AMOTL2: variants seen among roughly 807,000 people sequenced by gnomAD.
The protein encoded by AMOTL2 is angiomotin like 2.
Under a neutral mutation model 78.4 loss-of-function variants are expected in AMOTL2, and 33 were observed. The ratio of observed to expected loss-of-function variants is 0.42; its 90% CI spans 0.32 to 0.56. The LOEUF (loss-of-function observed/expected upper bound fraction) is 0.56. Ranked by LOEUF, AMOTL2 falls within the 20% of genes least tolerant of loss-of-function variation. The pLI is 0.12. For synonymous variants in AMOTL2, 422 were observed against 428.8 expected (o/e 0.98, Z 0.20); for missense variants, 983 against 1,030.1 (o/e 0.95, Z 0.63).
rs931693505 is a variant in AMOTL2 at position 134,367,639 on chromosome 3, T to G, written c.899A>C (p.Gln300Pro). Residue 300 changes from glutamine to proline, a missense_variant, in exon 3 of 10, where the codon CAG (glutamine) becomes CCG (proline). By Grantham distance (76) the Gln-to-Pro change is moderately conservative. Coordinates refer to ENST00000249883, the MANE Select transcript of AMOTL2 (RefSeq NM_016201.4). The part of the protein sequence containing the change: ...PPAVEGPVSA[Q>P]ASSATSGSAH... ...ACTGCCCGAGGTGGCTGAGGAGGCC[T>G]GGGCACTCACTGGCCCCTCCACAGC... is the stretch of plus-strand genomic sequence containing the variant. 1.2e-6 allele frequency: 2 copies of G among 1,613,386 alleles called. No individual in the cohort carries two copies. Among genetic ancestry groups the G allele is most frequent in the Non-Finnish European group, 1.7e-6 (2 of 1,180,042 alleles).
chr3:134,367,406 C>T, intron 3 of AMOTL2, 91 bp downstream of exon 3: 2 of 1,458,408 alleles, frequency 1.4e-6, no homozygotes, highest in South Asian at 1.2e-5. Context: ...AGTTTTCAGG[C>T]TCCTCTGCCT....
At chr3:134,360,460 T>C in intron 6 of AMOTL2, 47 bp from the exon 7 acceptor site, 1 of 1,543,828 alleles carries the variant, frequency 6.5e-7, no homozygotes, top group Non-Finnish European at 8.8e-7. Flanking sequence ...CAGGTTGGGG[T>C]GTGGCAGCCA....
At chr3:134,364,272 G>T (rs191206850) in intron 5 of AMOTL2, among the ~76,000 whole-genome samples, 1 of 151,968 alleles carries the variant, frequency 6.6e-6, no homozygotes, top group East Asian at 2.0e-4. Context: ...CAGGTCACCC[G>T]CGGCTGCAAG....
At chr3:134,361,330 A>T (rs2107738027) in intron 6 of AMOTL2, among the ~76,000 whole-genome samples, 182 bp downstream of exon 6, 1 of 152,302 alleles carries the variant, frequency 6.6e-6, no homozygotes, top group East Asian at 1.9e-4. Flanking sequence ...AGTGGAAGGG[A>T]GCACGCAGCA....
intron 4 of AMOTL2, 101 bp from the exon 5 acceptor site, chr3:134,366,010 G>C (rs1416053750): frequency 1.5e-6 from 2 of 1,291,332 alleles, no homozygotes; most frequent in African/African-American, 2.9e-5. Context: ...CTCCATATTG[G>C]GGATGGGTTC....
chr3:134,359,597 C>T, intron 7 of AMOTL2, 94 bp from the exon 8 acceptor site: 2 of 1,001,734 alleles, frequency 2.0e-6, no homozygotes, highest in Non-Finnish European at 3.0e-6. Flanking sequence ...AAAAGCCCCC[C>T]CCAACTCCCC....
intron 5 of AMOTL2, among the ~76,000 whole-genome samples, chr3:134,362,362 TA>T (rs2017410523): frequency 6.6e-6 from 1 of 151,944 alleles, no homozygotes; most frequent in Non-Finnish European, 1.5e-5. Context: ...ATCCCCAACT[TA>T]TAGGGGAGAA....
intron 6 of AMOTL2, 119 bp downstream of exon 6, chr3:134,361,393 T>C: frequency 8.1e-7 from 1 of 1,227,188 alleles, no homozygotes; most frequent in Non-Finnish European, 1.1e-6. Context: ...GCCTGCAGCC[T>C]AGATCTAAGC....
At position 134,371,229 on chromosome 3, in the gene AMOTL2, C is replaced by T. The variant is rs747936527; in HGVS notation, c.205G>A (p.Ala69Thr). 3.1e-6 allele frequency: 5 copies of T among 1,613,278 alleles called. No individual in the cohort carries two copies. The African/African-American group carries it at 5.3e-5, about 17-fold the overall frequency. Residue 69 changes from alanine (A) to threonine (T), a missense_variant, in exon 2 of 10, where the codon GCC becomes ACC. Coordinates refer to ENST00000249883, the MANE Select transcript of AMOTL2 (RefSeq NM_016201.4). ...APEDSQVLQQ[A>T]TRQEPQGQEH... ...TGGCCCTGGGGCTCCTGCCTGGTGG[C>T]CTGCTGCAGCACCTGACTGTCCTCT...
chr3:134,373,801 T>C (rs1055977607), intron 1 of AMOTL2: 60 of 985,308 alleles, frequency 6.1e-5, no homozygotes, highest in Non-Finnish European at 7.1e-5. Flanking sequence ...CCCTCTTTGT[T>C]TTCCAAATAC....
At position 134,371,275 on chromosome 3, in the gene AMOTL2, G is replaced by A. The variant is rs770787304; in HGVS notation, c.159C>T (p.Ala53=). The A allele has an allele frequency of 6.8e-6, 11 of 1,612,574 alleles. No individual in the cohort carries two copies. In the Admixed American group the frequency reaches 8.3e-5, roughly 12 times the overall value. The change falls in exon 2 of 10, where the codon GCC becomes GCT. Residue 53 remains alanine (A), a synonymous_variant. Transcript: ENST00000249883. ...CCTCTGGGGCCAGGATCTCCAGGGA[G>A]GCCTGGGGGCTCCCTGTACCCCCAG... is the stretch of plus-strand genomic sequence containing the variant. ...AGTGGTGSPQ[A]SLEILAPEDS...
At position 134,371,309 on chromosome 3, in the gene AMOTL2, C is replaced by G; in HGVS notation, c.125G>C (p.Gly42Ala). The change falls in exon 2 of 10, where the codon GGG (glycine) becomes GCG (alanine). Residue 42 changes from glycine to alanine, a missense_variant. Gly to Ala is a moderately conservative substitution (Grantham distance 60). Coordinates refer to ENST00000249883, the MANE Select transcript of AMOTL2 (RefSeq NM_016201.4). ...GCTCCCTGTACCCCCAGTTCCAGCCCCACCCCTCAGGGCCTGCTGCTGGAT... is the reference window on the plus strand; with the variant it reads ...GCTCCCTGTACCCCCAGTTCCAGCCGCACCCCTCAGGGCCTGCTGCTGGAT... ...LAIQQQALRG[G>A]AGTGGTGSPQ... 2 of 1,612,340 alleles carry G rather than the reference C, an allele frequency of 1.2e-6. No individual in the cohort carries two copies. The highest frequency in any genetic ancestry group is 1.7e-6 in the Non-Finnish European group (2 of 1,180,004).
rs137862766 is a variant in AMOTL2 at position 134,358,612 on chromosome 3, T to C, written c.2212A>G (p.Thr738Ala). The C allele has an allele frequency of 1.9e-4, 309 of 1,613,516 alleles. No homozygotes were observed. The African/African-American group carries it at 3.5e-3, about 18-fold the overall frequency. The change falls in exon 9 of 10, where the codon ACC becomes GCC. Residue 738 changes from threonine to alanine, a missense_variant. By Grantham distance (58) the Thr-to-Ala change is moderately conservative (BLOSUM62 0). Coordinates refer to ENST00000249883, the MANE Select transcript of AMOTL2 (RefSeq NM_016201.4). Reference protein sequence around the residue: ...STQTEGPPDSTSTCLPPEPDS... With the variant: ...STQTEGPPDSASTCLPPEPDS... ...GGCTCCGGTGGCAGGCAGGTGGAGGTGCTGTCTGGGGGGCCCTCAGTCTGG... is the reference window on the plus strand; with the variant it reads ...GGCTCCGGTGGCAGGCAGGTGGAGGCGCTGTCTGGGGGGCCCTCAGTCTGG...
Position 134,361,593 on chromosome 3 carries a change from T to C in AMOTL2, c.1494A>G (p.Ala498=). The C allele has an allele frequency of 6.2e-7, 1 of 1,613,118 alleles. No individual in the cohort carries two copies. The highest frequency in any genetic ancestry group is 2.2e-5 in the East Asian group (1 of 44,888). ...RLQQALGQLQ[A]ACEKREQLEL... is the part of the protein sequence containing the mutation. ...CCAGCTGCTCCCGCTTCTCACAGGC[T>C]GCCTGCAGCTGCCCGAGCGCCTGCT... is the stretch of plus-strand genomic sequence containing the variant. The change falls in exon 6 of 10, where the codon GCA becomes GCG. Residue 498 remains alanine (A), a synonymous_variant. Transcript: ENST00000249883.
chr3:134,360,458 G>T, intron 6 of AMOTL2, 45 bp from the exon 7 acceptor site: 1 of 1,551,330 alleles, frequency 6.4e-7, no homozygotes, highest in Admixed American at 1.7e-5. Flanking sequence ...TGCAGGTTGG[G>T]GTGTGGCAGC....
At position 134,371,158 on chromosome 3, in the gene AMOTL2, G is replaced by A. The variant is rs1290638728; in HGVS notation, c.276C>T (p.Tyr92=). The A allele has an allele frequency of 5.6e-6, 9 of 1,613,994 alleles. No individual in the cohort carries two copies. The highest frequency in any genetic ancestry group is 7.6e-6 in the Non-Finnish European group (9 of 1,179,976). ...CCTTGCTGGGCTGTGGGCATAGCCG[G>A]TAGAGGGTGTTCTCTGCCAGGTGGT... is the stretch of plus-strand genomic sequence containing the variant. ...GENHLAENTL[Y]RLCPQPSKGE... Residue 92 remains tyrosine, a synonymous_variant, in exon 2 of 10, where the codon TAC becomes TAT. Transcript: ENST00000249883.
chr3:134,360,606 C>G (rs573624500), intron 6 of AMOTL2, among the ~76,000 whole-genome samples, 193 bp from the exon 7 acceptor site: 60 of 152,274 alleles, frequency 3.9e-4, no homozygotes, highest in African/African-American at 1.4e-3. Flanking sequence ...AATCCTAGGG[C>G]AAGGGCATAG....
intron 1 of AMOTL2, among the ~76,000 whole-genome samples, chr3:134,372,190 A>G (rs2017894431): frequency 6.6e-6 from 1 of 152,098 alleles, no homozygotes; most frequent in African/African-American, 2.4e-5. Context: ...ACCCCTGGCC[A>G]CTTTTCCCAC....
At chr3:134,369,481 G>A (rs2017758559) in intron 2 of AMOTL2, among the ~76,000 whole-genome samples, 1 of 152,120 alleles carries the variant, frequency 6.6e-6, no homozygotes. Flanking sequence ...GTTCAATAAG[G>A]CTGGTCCAAA....
Sources: gnomAD v4.1 joint callset for allele counts (sites outside exome capture counted in the v4.1 genomes callset) on GRCh38, gnomAD v4.1.1 for gene constraint, MANE v1.5 for transcripts, NCBI Gene and HGNC (gene_info 2026-07-23, HGNC 2026-07-21) for gene names.